C1orf141: variants seen among roughly 807,000 people sequenced by gnomAD.
C1orf141 encodes the protein uncharacterized protein C1orf141.
In C1orf141, 19 loss-of-function variants were observed where a neutral mutation model predicts 23.2. The observed-to-expected ratio is 0.82, with a 90% CI of 0.57 to 1.20. The LOEUF is 1.20. C1orf141 is among the 50% of genes most tolerant of loss of function. The pLI, the probability that C1orf141 is intolerant of heterozygous loss-of-function variation, is 0.00. For missense variants in C1orf141, 469 were observed against 455.1 expected (o/e 1.03, Z -0.28); for synonymous variants, 153 against 154.6 (o/e 0.99, Z 0.08).
chr1:67,131,971 GATGGGGTTTCACC>G (rs1187962072), intron 1 of C1orf141, among the ~76,000 whole-genome samples: 2 of 151,510 alleles, frequency 1.3e-5, no homozygotes, highest in East Asian at 3.9e-4. Flanking sequence ...TTTTGGTAGA[GATGGGGTTTCACC>G]ATATTGGCCA....
intron 4 of C1orf141, among the ~76,000 whole-genome samples, chr1:67,121,159 T>G (rs2102480731): frequency 6.6e-6 from 1 of 152,320 alleles, no homozygotes; most frequent in East Asian, 1.9e-4. Context: ...CTGGTAAAAT[T>G]TTAATAACCT....
intron 2 of C1orf141, among the ~76,000 whole-genome samples, chr1:67,127,827 G>A (rs1382602761): frequency 6.6e-6 from 1 of 151,918 alleles, no homozygotes; most frequent in Non-Finnish European, 1.5e-5. Flanking sequence ...TAGAGACAGG[G>A]GTTCATCATG....
intron 1 of C1orf141, among the ~76,000 whole-genome samples, chr1:67,140,028 A>C (rs1646621536): frequency 6.6e-6 from 1 of 152,090 alleles, no homozygotes. Context: ...CCACCGTGGG[A>C]CTCTGCAGAG....
chr1:67,127,990 A>C (rs1421420470), intron 2 of C1orf141, among the ~76,000 whole-genome samples: 6 of 152,160 alleles, frequency 3.9e-5, no homozygotes, highest in Non-Finnish European at 1.5e-5. Flanking sequence ...AATTTTAATG[A>C]AAGTAAACAC....
chr1:67,103,674 A>C (rs1301330288), intron 5 of C1orf141, among the ~76,000 whole-genome samples: 1 of 152,108 alleles, frequency 6.6e-6, no homozygotes, highest in Admixed American at 6.6e-5. Context: ...CTTTATAGTC[A>C]CATAAAATTT....
chr1:67,096,501 T>C (rs1341606561), intron 5 of C1orf141, among the ~76,000 whole-genome samples, 180 bp from the exon 6 acceptor site: 1 of 152,216 alleles, frequency 6.6e-6, no homozygotes. Context: ...TGGAAAAGAC[T>C]GAGATCGAAG....
intron 4 of C1orf141, among the ~76,000 whole-genome samples, chr1:67,119,729 AG>A (rs1646263229): frequency 6.6e-6 from 1 of 152,222 alleles, no homozygotes; most frequent in Non-Finnish European, 1.5e-5. Flanking sequence ...AAACAGAGAA[AG>A]TGGGAAAAAA....
At chr1:67,123,946 T>C (rs1187846506) in intron 4 of C1orf141, 2 of 152,220 alleles carry the variant, frequency 1.3e-5, no homozygotes, top group African/African-American at 4.8e-5. Flanking sequence ...TCTGCCTAAG[T>C]ACAAAGCACT....
chr1:67,104,908 T>C (rs1645886470), intron 5 of C1orf141, among the ~76,000 whole-genome samples: 1 of 152,092 alleles, frequency 6.6e-6, no homozygotes, highest in Admixed American at 6.6e-5. Flanking sequence ...TACCCATAGG[T>C]CAAAAAGGAT....
chr1:67,125,664 A>G (rs6691094), intron 4 of C1orf141, 88 bp downstream of exon 4: 861,661 of 1,259,262 alleles, frequency 0.68, 300,668 homozygotes, highest in East Asian at 0.83. Context: ...GCACCACTGC[A>G]CTCTACCCTA....
chr1:67,139,627 T>C (rs114372315), upstream of C1orf141, among the ~76,000 whole-genome samples: 838 of 152,346 alleles, frequency 5.5e-3, 8 homozygotes, highest in African/African-American at 0.019. Flanking sequence ...TAGCATCTGC[T>C]ACAGTTTGAA....
chr1:67,126,463 A>G (rs1646415855), intron 3 of C1orf141, among the ~76,000 whole-genome samples: 2 of 152,258 alleles, frequency 1.3e-5, no homozygotes, highest in South Asian at 2.1e-4. Flanking sequence ...ATCTCAGAGC[A>G]TAGCTCAAAA....
intron 4 of C1orf141, 127 bp downstream of exon 4, chr1:67,125,625 G>T: frequency 1.1e-6 from 1 of 887,238 alleles, no homozygotes; most frequent in East Asian, 2.4e-5. Context: ...CCTAAACCTG[G>T]GAAGTTGAGG....
In C1orf141 at chr1:67,127,198, G is replaced by C; in HGVS notation, c.43C>G (p.Gln15Glu). ...CTTCTGGCCAAGATTATCTCTGCTT[G>C]CTTATCAAGGACATCCAACTTCTCT... Reference protein sequence around the residue: ...ILEKLDVLDKQAEIILARRTK... With the variant: ...ILEKLDVLDKEAEIILARRTK... Residue 15 changes from glutamine (Q) to glutamate (E), a missense_variant, in exon 3 of 8, where the codon CAA (glutamine) becomes GAA (glutamate). Gln to Glu is a conservative substitution (Grantham distance 29). This residue lies in a region of C1orf141 where 95 missense variants were observed against 90.3 expected (regional missense o/e 1.05). Transcript: ENST00000684719. The C allele has an allele frequency of 6.2e-7, 1 of 1,609,446 alleles. No individual in the cohort carries two copies. Among genetic ancestry groups the C allele is most frequent in the Non-Finnish European group, 8.5e-7 (1 of 1,178,322 alleles).
In C1orf141 at chr1:67,112,333, T is replaced by G. The variant is rs529648272; in HGVS notation, c.346+3019A>C. 3.3e-5 allele frequency among the ~76,000 whole-genome samples: 5 copies of G among 152,328 alleles called. No individual in the cohort carries two copies. The South Asian group carries it at 1.0e-3, about 32-fold the overall frequency. ...TGATCAACTATATGCCAGACACTGA[T>G]GGACTCTGGAATTGTGACTCCTGCC... On this transcript the variant is annotated intron_variant, in intron 5 of 7. Coordinates refer to ENST00000684719, the MANE Select transcript of C1orf141 (RefSeq NM_001276351.2).
At chr1:67,107,229 CAAAT>C (rs140240403) in intron 5 of C1orf141, among the ~76,000 whole-genome samples, 14,974 of 151,782 alleles carry the variant, frequency 0.099, 1,150 homozygotes, top group African/African-American at 0.21. Flanking sequence ...AAATCCCAAA[CAAAT>C]AAAAAGAGAG....
Position 67,127,220 on chromosome 1 carries a change from C to G in C1orf141, c.21G>C (p.Glu7Asp), listed in dbSNP as rs770474839. MAEKIL[E>D]KLDVLDKQAE... ...CTTGCTTATCAAGGACATCCAACTT[C>G]TCTAGGATTTTTTCTGCCATTGTCA... The change falls in exon 3 of 8, where the codon GAG becomes GAC. Residue 7 changes from glutamate (E) to aspartate (D), a missense_variant. By Grantham distance (45) the Glu-to-Asp change is conservative (BLOSUM62 2). Coordinates refer to ENST00000684719, the MANE Select transcript of C1orf141 (RefSeq NM_001276351.2). 5 of 1,608,070 alleles carry G rather than the reference C, an allele frequency of 3.1e-6. No homozygotes were observed. In the South Asian group the frequency reaches 5.6e-5, roughly 18 times the overall value.
chr1:67,136,504 T>G (rs1038307363), upstream of C1orf141, among the ~76,000 whole-genome samples: 1 of 152,220 alleles, frequency 6.6e-6, no homozygotes, highest in Admixed American at 6.5e-5. Context: ...ATTAGCTTCT[T>G]AAGAATTCAG....
intron 5 of C1orf141, among the ~76,000 whole-genome samples, chr1:67,110,214 C>A (rs928658980): frequency 7.9e-5 from 12 of 151,562 alleles, no homozygotes; most frequent in Admixed American, 2.6e-4. Flanking sequence ...AGTTGGAAGA[C>A]AGGATAAAAC....
Sources: gnomAD v4.1 joint callset for allele counts (sites outside exome capture counted in the v4.1 genomes callset) on GRCh38, gnomAD v4.1.1 for gene constraint, gnomAD v4.1.1 regional missense constraint, MANE v1.5 for transcripts, NCBI Gene and HGNC (gene_info 2026-07-23, HGNC 2026-07-21) for gene names.